The following CCDC149 variants were observed in gnomAD, a reference collection of about 807,000 sequenced individuals.
The protein encoded by CCDC149 is coiled-coil domain containing 149.
Under a neutral mutation model 59.9 loss-of-function variants are expected in CCDC149, and 45 were observed. The ratio of observed to expected loss-of-function variants is 0.75; its 90% CI spans 0.59 to 0.96. The LOEUF (loss-of-function observed/expected upper bound fraction) is 0.96. CCDC149 is among the 40% of genes least tolerant of loss of function. CCDC149 has a pLI of 0.00. For missense variants in CCDC149, 584 were observed against 664.7 expected (o/e 0.88, Z 1.33); for synonymous variants, 245 against 260.6 (o/e 0.94, Z 0.58).
intron 1 of CCDC149, among the ~76,000 whole-genome samples, chr4:24,924,053 G>A (rs1337615079): frequency 6.6e-6 from 1 of 152,090 alleles, no homozygotes; most frequent in African/African-American, 2.4e-5. Flanking sequence ...CAAGTGACAC[G>A]AAAGTAGCAT....
chr4:24,869,120 T>C (rs1718873273), intron 3 of CCDC149, among the ~76,000 whole-genome samples: 1 of 152,336 alleles, frequency 6.6e-6, no homozygotes, highest in South Asian at 2.1e-4. Flanking sequence ...GGCAGATGGC[T>C]ATGACACTGT....
intron 1 of CCDC149, among the ~76,000 whole-genome samples, chr4:24,942,733 A>G (rs1057407627): frequency 4.6e-5 from 7 of 152,202 alleles, no homozygotes; most frequent in African/African-American, 1.7e-4. Context: ...AAAAATCAAA[A>G]GCATTCTTAT....
rs1228000955 is a variant in CCDC149, at chr4:24,862,854, G to A, written c.265-9675C>T. 2.0e-5 allele frequency among the ~76,000 whole-genome samples: 3 copies of A among 151,828 alleles called. No individual in the cohort carries two copies. The East Asian group carries it at 5.8e-4, about 29-fold the overall frequency. On this transcript the variant is annotated intron_variant, in intron 3 of 12. Coordinates refer to ENST00000635206, the MANE Select transcript of CCDC149 (RefSeq NM_001330643.2). ...TGCTTCCTGAGTTTTATTTTTTTCT[G>A]TGAATTCCCATTGCATGTAAAATGT... is the stretch of plus-strand genomic sequence containing the variant.
intron 1 of CCDC149, among the ~76,000 whole-genome samples, chr4:24,947,984 G>A (rs1220325289): frequency 1.3e-5 from 2 of 152,112 alleles, no homozygotes; most frequent in Non-Finnish European, 2.9e-5. Flanking sequence ...CAGTGACTTC[G>A]AGTGCCAAAT....
intron 3 of CCDC149, among the ~76,000 whole-genome samples, chr4:24,873,280 A>G (rs1046218385): frequency 6.6e-6 from 1 of 152,170 alleles, no homozygotes; most frequent in Non-Finnish European, 1.5e-5. Context: ...GTATGTGTCC[A>G]CTGAATGGTA....
chr4:24,839,509 A>G (rs998360553), intron 4 of CCDC149, among the ~76,000 whole-genome samples: 46 of 152,270 alleles, frequency 3.0e-4, no homozygotes, highest in African/African-American at 1.1e-3. Flanking sequence ...ATCTTCATTC[A>G]CTGCATGAAT....
chr4:24,893,415 A>T lies in CCDC149; in HGVS notation c.64-16718T>A, dbSNP rs189821080. ...CCTAAATAAAATACCAACATACCCA[A>T]ATATGTGGTATGAGGAAATTGGACA... On this transcript the variant is annotated intron_variant, in intron 1 of 12. Coordinates refer to ENST00000635206, the MANE Select transcript of CCDC149 (RefSeq NM_001330643.2). 7.8e-4 allele frequency among the ~76,000 whole-genome samples: 118 copies of T among 152,246 alleles called. No individual in the cohort carries two copies. The South Asian group carries it at 0.014, about 18-fold the overall frequency.
At chr4:24,855,944 G>C (rs1717976471) in intron 3 of CCDC149, among the ~76,000 whole-genome samples, 1 of 152,260 alleles carries the variant, frequency 6.6e-6, no homozygotes, top group African/African-American at 2.4e-5. Flanking sequence ...TGGGTGACAT[G>C]ACAGGAGTTT....
chr4:24,846,157 C>A (rs115819948), intron 4 of CCDC149, among the ~76,000 whole-genome samples: 2,213 of 152,270 alleles, frequency 0.015, 50 homozygotes, highest in African/African-American at 0.05. Context: ...CAAGTGTATC[C>A]AATTCACTTA....
chr4:24,888,304 T>C (rs1157489995), intron 1 of CCDC149, among the ~76,000 whole-genome samples: 4 of 152,168 alleles, frequency 2.6e-5, no homozygotes, highest in Non-Finnish European at 5.9e-5. Context: ...TTACATATTT[T>C]AGTCAGATAG....
chr4:24,838,100 T>C (rs547213570), intron 5 of CCDC149, 56 bp downstream of exon 5: 2 of 1,319,292 alleles, frequency 1.5e-6, no homozygotes, highest in East Asian at 2.3e-5. Context: ...CTCTTGTTTG[T>C]GTTGTGTCCA....
intron 1 of CCDC149, among the ~76,000 whole-genome samples, chr4:24,954,599 G>T (rs1049590558): frequency 1.3e-5 from 2 of 152,208 alleles, no homozygotes; most frequent in African/African-American, 4.8e-5. Flanking sequence ...GCCCACTTGA[G>T]CCACAGCTGG....
intron 1 of CCDC149, among the ~76,000 whole-genome samples, chr4:24,971,866 T>G (rs1723980498): frequency 6.6e-6 from 1 of 152,250 alleles, no homozygotes; most frequent in Admixed American, 6.5e-5. Context: ...AGGCTTCATC[T>G]GCATAATAAA....
intron 1 of CCDC149, among the ~76,000 whole-genome samples, chr4:24,931,420 A>C (rs546324303): frequency 3.3e-5 from 5 of 151,398 alleles, no homozygotes; most frequent in African/African-American, 1.2e-4. Flanking sequence ...TTTTGCTCCT[A>C]CTACATATCC....
At chr4:24,817,883 C>G (rs1366690949) in intron 12 of CCDC149, among the ~76,000 whole-genome samples, 1 of 152,120 alleles carries the variant, frequency 6.6e-6, no homozygotes, top group African/African-American at 2.4e-5. Context: ...TTAGGGCAGA[C>G]AATCATGAGG....
At chr4:24,967,829 G>A (rs1207824855) in intron 1 of CCDC149, among the ~76,000 whole-genome samples, 4 of 151,956 alleles carry the variant, frequency 2.6e-5, no homozygotes, top group Admixed American at 2.0e-4. Flanking sequence ...CAAGGTCCAA[G>A]GGCCTGGATT....
At chr4:24,841,541 T>G (rs887034070) in intron 4 of CCDC149, among the ~76,000 whole-genome samples, 5 of 152,156 alleles carry the variant, frequency 3.3e-5, no homozygotes, top group African/African-American at 1.2e-4. Context: ...GAGGCCCAAG[T>G]TGGTAATAGC....
intron 1 of CCDC149, among the ~76,000 whole-genome samples, chr4:24,911,279 C>T (rs1328533853): frequency 6.6e-6 from 1 of 152,204 alleles, no homozygotes; most frequent in Admixed American, 6.5e-5. Flanking sequence ...GAAGCCTTTC[C>T]ATCCTTTAGT....
intron 1 of CCDC149, among the ~76,000 whole-genome samples, chr4:24,977,305 T>C (rs1178331136): frequency 1.3e-5 from 2 of 152,280 alleles, no homozygotes. Context: ...TCCTCTTAGC[T>C]ATCTTGTGTG....
Sources: allele counts gnomAD v4.1 joint callset (sites outside exome capture counted in the v4.1 genomes callset), GRCh38; gene constraint gnomAD v4.1.1; transcripts MANE v1.5; gene names NCBI Gene and HGNC (gene_info 2026-07-23, HGNC 2026-07-21).